Variants in SPG11 observed in about 807,000 individuals in gnomAD.
The protein encoded by SPG11 is spatacsin.
Under a neutral mutation model 274.0 loss-of-function variants are expected in SPG11, and 222 were observed. The ratio of observed to expected loss-of-function variants is 0.81; its 90% CI spans 0.73 to 0.91. The LOEUF (loss-of-function observed/expected upper bound fraction) is 0.91, where lower values mean the gene tolerates loss of function less well. SPG11 is among the 40% of genes least tolerant of loss of function. The pLI, the probability that SPG11 is intolerant of heterozygous loss-of-function variation, is 0.00. For missense variants in SPG11, 3,114 were observed against 2,872.7 expected (o/e 1.08, Z -1.92); for synonymous variants, 1,144 against 1,039.7 (o/e 1.10, Z -1.93).
chr15:44,567,536 G>C lies in SPG11; in HGVS notation c.6642C>G (p.Asp2214Glu), dbSNP rs2082335704. 6.2e-7 allele frequency: 1 copy of C among 1,613,832 alleles called. No individual in the cohort carries two copies. Among genetic ancestry groups the C allele is most frequent in the Non-Finnish European group, 8.5e-7 (1 of 1,179,988 alleles). Residue 2214 changes from aspartate to glutamate, a missense_variant, in exon 36 of 40, where the codon GAC becomes GAG. Coordinates refer to ENST00000261866, the MANE Select transcript of SPG11 (RefSeq NM_025137.4). The part of the protein sequence containing the change: ...LDYIKRCRPG[D>E]SEKHNMIALC... ...GGGCAATCATATTGTGCTTTTCACT[G>C]TCTCCAGGACGGCAGCGTTTGATGT...
intron 7 of SPG11, among the ~76,000 whole-genome samples, chr15:44,635,917 TAAAA>T (rs560952946): frequency 1.5e-5 from 2 of 130,944 alleles, no homozygotes; most frequent in Non-Finnish European, 1.7e-5. Context: ...ACTCCACCTA[TAAAA>T]AAAAAAAAAG....
intron 7 of SPG11, among the ~76,000 whole-genome samples, chr15:44,646,716 T>C (rs1431691770): frequency 6.6e-6 from 1 of 152,200 alleles, no homozygotes; most frequent in Non-Finnish European, 1.5e-5. Flanking sequence ...CTAAGTGAAC[T>C]AATGCAGGAA....
chr15:44,626,954 G>A (rs2083918322), intron 10 of SPG11, among the ~76,000 whole-genome samples: 1 of 152,058 alleles, frequency 6.6e-6, no homozygotes. Context: ...ATATGCAGAG[G>A]GACAAAGAAA....
intron 20 of SPG11, among the ~76,000 whole-genome samples, chr15:44,602,528 G>C (rs2083220924): frequency 6.6e-6 from 1 of 151,506 alleles, no homozygotes; most frequent in South Asian, 2.1e-4. Context: ...GCCCAGGCTG[G>C]AGTGCAATAG....
At chr15:44,656,178 T>C (rs2084935857) in intron 4 of SPG11, among the ~76,000 whole-genome samples, 1 of 152,126 alleles carries the variant, frequency 6.6e-6, no homozygotes, top group Admixed American at 6.6e-5. Flanking sequence ...AAAAATACAG[T>C]TGTAAAGAAT....
chr15:44,565,944 G>C lies in SPG11; in HGVS notation c.6909C>G (p.His2303Gln). The change falls in exon 38 of 40, where the codon CAC (histidine) becomes CAG (glutamine). Residue 2303 changes from histidine (H) to glutamine (Q), a missense_variant. By Grantham distance (24) the His-to-Gln change is conservative. Transcript: ENST00000261866. The part of the protein sequence containing the change: ...RLTKLITLQI[H>Q]FLNTGQNTML... ...TTGTGTTCTGGCCAGTGTTCAGAAA[G>C]TGAATCTGCAGAGTTATCAACTTGG... 6.2e-7 allele frequency: 1 copy of C among 1,614,022 alleles called. No individual in the cohort carries two copies. Among genetic ancestry groups the C allele is most frequent in the Non-Finnish European group, 8.5e-7 (1 of 1,180,022 alleles).
chr15:44,613,537 C>A lies in SPG11; in HGVS notation c.3039-1G>T, dbSNP rs1289848722. 5 of 1,599,914 alleles carry A rather than the reference C, an allele frequency of 3.1e-6. No homozygotes were observed. The highest frequency in any genetic ancestry group is 2.2e-5 in the South Asian group (2 of 90,720). On this transcript the variant is annotated splice_acceptor_variant, in intron 16 of 39. Coordinates refer to ENST00000261866, the MANE Select transcript of SPG11 (RefSeq NM_025137.4). LOFTEE classifies it high-confidence loss of function. ...AAAGGGACAATTTTCAGGACTAAGTCTGTATATAAAACAAACAAAAACCTT... is the reference window on the plus strand; with the variant it reads ...AAAGGGACAATTTTCAGGACTAAGTATGTATATAAAACAAACAAAAACCTT...
Position 44,611,091 on chromosome 15 carries a change from T to TAAAAAAAAAAAAA in SPG11, c.3146-119_3146-107dup, listed in dbSNP as rs35831490. On this transcript the variant is annotated intron_variant, in intron 17 of 39. Transcript: ENST00000261866. ...CATAAATTTTTAACTCTATCCCCAG[T>TAAAAAAAAAAAAA]AAAAAAAAAAAAAAAAAAAAAAAAA... The TAAAAAAAAAAAAA allele has an allele frequency of 7.1e-4, 50 of 70,098 alleles. 1 individual carries two copies. The highest frequency in any genetic ancestry group is 4.8e-3 in the East Asian group (14 of 2,904). 4.3% of individuals were successfully genotyped at this position (70,098 alleles called of 1,614,324 possible).
intron 21 of SPG11, 60 bp downstream of exon 21, chr15:44,600,407 G>A (rs2083154221): frequency 1.9e-6 from 3 of 1,576,452 alleles, no homozygotes; most frequent in Admixed American, 1.7e-5. Flanking sequence ...GCTTCCCAAA[G>A]TGCTGGGATT....
intron 21 of SPG11, 93 bp from the exon 22 acceptor site, chr15:44,598,929 G>A (rs1374493386): frequency 7.9e-7 from 1 of 1,264,342 alleles, no homozygotes; most frequent in African/African-American, 1.5e-5. Flanking sequence ...CAGAGGGAGT[G>A]CCAGCCATGT....
rs987166304 is a variant in SPG11 at position 44,573,753 on chromosome 15, G to A, written c.6007-8C>T. 5 of 1,614,036 alleles carry A rather than the reference G, an allele frequency of 3.1e-6. No homozygotes were observed. The highest frequency in any genetic ancestry group is 2.2e-5 in the South Asian group (2 of 91,076). On this transcript the variant is annotated splice_polypyrimidine_tract_variant and splice_region_variant and intron_variant, in intron 31 of 39. Transcript: ENST00000261866. ...GTAGGAACAGCCCAACTCCTGAGAG[G>A]AAGACAAAGCCAGTCAAGGCCACTT...
chr15:44,608,427 C>T lies in SPG11; in HGVS notation c.3453+17G>A, dbSNP rs765045222. ...GAACTCTGATAGACCTAAATATTGGCCACCTAAATACTGTACCTGAATAAG... is the reference window on the plus strand; with the variant it reads ...GAACTCTGATAGACCTAAATATTGGTCACCTAAATACTGTACCTGAATAAG... On this transcript the variant is annotated intron_variant, in intron 19 of 39. Coordinates refer to ENST00000261866, the MANE Select transcript of SPG11 (RefSeq NM_025137.4). 6.2e-7 allele frequency: 1 copy of T among 1,613,342 alleles called. No individual in the cohort carries two copies. The highest frequency in any genetic ancestry group is 8.5e-7 in the Non-Finnish European group (1 of 1,179,420).
In SPG11 at chr15:44,562,987, C is replaced by T; in HGVS notation, c.*134G>A. 3 of 818,414 alleles carry T rather than the reference C, an allele frequency of 3.7e-6. No individual in the cohort carries two copies. Among genetic ancestry groups the T allele is most frequent in the Non-Finnish European group, 5.9e-6 (3 of 509,272 alleles). 50.7% of individuals were successfully genotyped at this position (818,414 alleles called of 1,614,324 possible). On this transcript the variant is annotated 3_prime_UTR_variant, in exon 40 of 40. Transcript: ENST00000261866. ...TGAAAAGTTTCTTACTTGCTACCTA[C>T]TACCCACAAAGGACTGATATGGTAC...
At chr15:44,651,423 GA>G in intron 6 of SPG11, 67 bp downstream of exon 6, 3 of 1,398,564 alleles carry the variant, frequency 2.1e-6, no homozygotes, top group Non-Finnish European at 3.0e-6. Context: ...CACTGAGGCA[GA>G]AGTAAAATAC....
chr15:44,636,752 C>A (rs1277025825), intron 7 of SPG11, among the ~76,000 whole-genome samples: 2 of 150,842 alleles, frequency 1.3e-5, no homozygotes. Flanking sequence ...ATAGTAAAAC[C>A]CCACCTCTAC....
chr15:44,566,092 C>T (rs2140913982), intron 37 of SPG11, 83 bp from the exon 38 acceptor site: 1 of 1,595,708 alleles, frequency 6.3e-7, no homozygotes, highest in East Asian at 2.2e-5. Context: ...GTATTCACCC[C>T]TTCTGTTCCT....
intron 30 of SPG11, 76 bp downstream of exon 30, chr15:44,583,738 A>G: frequency 6.2e-7 from 1 of 1,601,212 alleles, no homozygotes; most frequent in Non-Finnish European, 8.5e-7. Flanking sequence ...ATTCTGCCAC[A>G]AGGGTCCCTT....
rs1391440047 is a variant in SPG11, at chr15:44,563,346, T to C, written c.7152-45A>G. On this transcript the variant is annotated intron_variant, in intron 39 of 39. Transcript: ENST00000261866. ...GTACAGGTTAAGATACTGTTTTTTGTTTTGTTTTGTTTGAGACAGTCTTAC... is the reference window on the plus strand; with the variant it reads ...GTACAGGTTAAGATACTGTTTTTTGCTTTGTTTTGTTTGAGACAGTCTTAC... 2 of 1,574,206 alleles carry C rather than the reference T, an allele frequency of 1.3e-6. No homozygotes were observed. Among genetic ancestry groups the C allele is most frequent in the Non-Finnish European group, 8.7e-7 (1 of 1,147,782 alleles).
chr15:44,596,128 C>T lies in SPG11; in HGVS notation c.4389G>A (p.Val1463=), dbSNP rs761096862. 4 of 1,614,030 alleles carry T rather than the reference C, an allele frequency of 2.5e-6. No individual in the cohort carries two copies. The highest frequency in any genetic ancestry group is 1.1e-5 in the South Asian group (1 of 91,064). Residue 1463 remains valine, a synonymous_variant, in exon 25 of 40, where the codon GTG becomes GTA. Transcript: ENST00000261866. Reference sequence around the variant, plus strand: ...CACTGAGGATAGGGGCCTGTTGTTTCACTGCTTCAACCAGAAGCCAGTGCC... The same window carrying T: ...CACTGAGGATAGGGGCCTGTTGTTTTACTGCTTCAACCAGAAGCCAGTGCC... ...DSWHWLLVEA[V]KQQAPILSVL...
Sources: gnomAD v4.1 joint callset for allele counts (sites outside exome capture counted in the v4.1 genomes callset) on GRCh38, gnomAD v4.1.1 for gene constraint, MANE v1.5 for transcripts, NCBI Gene and HGNC (gene_info 2026-07-23, HGNC 2026-07-21) for gene names.